Variants in RUNX2 observed in about 807,000 individuals in gnomAD.
RUNX2 encodes the protein RUNX family transcription factor 2, also known as runt-related transcription factor 2.
RUNX2 carries 10 observed loss-of-function variants against 51.7 expected under a neutral mutation model. The observed-to-expected ratio is 0.19, with a 90% confidence interval of 0.12 to 0.33. The LOEUF (loss-of-function observed/expected upper bound fraction) is 0.33, where lower values mean the gene tolerates loss of function less well. Ranked by LOEUF, RUNX2 falls within the 10% of genes least tolerant of loss-of-function variation. The pLI is 1.00. For synonymous variants in RUNX2, 276 were observed against 273.6 expected, an observed-to-expected ratio of 1.01 and a Z score of -0.09; for missense variants, 562 against 691.3, an observed-to-expected ratio of 0.81 and a Z score of 2.10.
rs199652341 is a variant in RUNX2 at position 45,332,975 on chromosome 6, A to AC, written c.58+4197dup. ...GATAGATAAAATTCTGCCTCTCCTC[A>AC]CCCCCCAAAAAATCATAAAACTCCC... On this transcript the variant is annotated intron_variant, in intron 2 of 8. Coordinates refer to ENST00000647337, the MANE Select transcript of RUNX2 (RefSeq NM_001024630.4). Among the ~76,000 whole-genome samples the AC allele has an allele frequency of 2.2e-3, 334 of 151,392 alleles. 1 individual carries two copies. In the East Asian group the frequency reaches 0.028, roughly 13 times the overall value.
chr6:45,401,656 T>G (rs903824682), intron 2 of RUNX2, among the ~76,000 whole-genome samples: 3 of 152,270 alleles, frequency 2.0e-5, no homozygotes, highest in African/African-American at 7.2e-5. Context: ...AATTGGATAA[T>G]GAACAGAAGG....
intron 8 of RUNX2, among the ~76,000 whole-genome samples, 159 bp downstream of exon 8, chr6:45,545,441 T>C (rs1802369490): frequency 6.6e-6 from 1 of 152,352 alleles, no homozygotes; most frequent in African/African-American, 2.4e-5. Flanking sequence ...TTGCATTTTG[T>C]GAAGATTATA....
intron 2 of RUNX2, among the ~76,000 whole-genome samples, chr6:45,391,104 T>C (rs1797459512): frequency 1.3e-5 from 2 of 152,214 alleles, no homozygotes; most frequent in Admixed American, 6.5e-5. Flanking sequence ...AATCATTGCA[T>C]GTCTTGTATA....
At chr6:45,357,093 G>A (rs939858781) in intron 2 of RUNX2, among the ~76,000 whole-genome samples, 109 of 151,764 alleles carry the variant, frequency 7.2e-4, no homozygotes, top group Non-Finnish European at 1.9e-4. Flanking sequence ...TGCAAGCTCC[G>A]CCTCCTGGGT....
At chr6:45,341,884 C>T (rs560290692) in intron 2 of RUNX2, among the ~76,000 whole-genome samples, 1 of 152,182 alleles carries the variant, frequency 6.6e-6, no homozygotes, top group African/African-American at 2.4e-5. Context: ...TCAGAAGCCA[C>T]TAAAAAGATG....
intron 7 of RUNX2, among the ~76,000 whole-genome samples, chr6:45,527,109 G>C (rs1801694162): frequency 6.6e-6 from 1 of 152,176 alleles, no homozygotes; most frequent in Admixed American, 6.5e-5. Context: ...TCAAGATCAG[G>C]AGGAAGGGAG....
chr6:45,400,306 C>A (rs889576975), intron 2 of RUNX2, among the ~76,000 whole-genome samples: 7 of 152,082 alleles, frequency 4.6e-5, no homozygotes, highest in African/African-American at 1.7e-4. Flanking sequence ...GAGAGGAGAA[C>A]CATTGGCAGT....
At chr6:45,499,988 A>G (rs1266227375) in intron 6 of RUNX2, among the ~76,000 whole-genome samples, 1 of 152,196 alleles carries the variant, frequency 6.6e-6, no homozygotes. Flanking sequence ...TTAGTTGCTT[A>G]GGGTCCTTTT....
At chr6:45,491,813 T>A in intron 5 of RUNX2, 128 bp from the exon 6 acceptor site, 1 of 971,332 alleles carries the variant, frequency 1.0e-6, no homozygotes. Context: ...TGTAGACAAG[T>A]CATTATAAAT....
In RUNX2 at chr6:45,475,298, G is replaced by A. The variant is rs145135579; in HGVS notation, c.686-16643G>A. ...TACTTCTATTTGAGGGTGGAGGGGA[G>A]GTTTTATTGAAGTCAAGGCGTTTGA... On this transcript the variant is annotated intron_variant, in intron 5 of 8. Coordinates refer to ENST00000647337, the MANE Select transcript of RUNX2 (RefSeq NM_001024630.4). Among the ~76,000 whole-genome samples, 690 of 152,112 alleles carry A rather than the reference G, an allele frequency of 4.5e-3. 2 individuals are homozygous for A. The highest frequency in any genetic ancestry group is 0.015 in the African/African-American group (636 of 41,484).
chr6:45,481,430 T>G (rs1021868937), intron 5 of RUNX2, among the ~76,000 whole-genome samples: 15 of 152,220 alleles, frequency 9.9e-5, no homozygotes, highest in African/African-American at 3.6e-4. Context: ...GTGGTATGTG[T>G]GAACATGTTA....
At chr6:45,513,294 C>G (rs1801217356) in intron 7 of RUNX2, among the ~76,000 whole-genome samples, 1 of 152,188 alleles carries the variant, frequency 6.6e-6, no homozygotes, top group Non-Finnish European at 1.5e-5. Context: ...CGTACGTCCA[C>G]AGAGGCACAC....
At chr6:45,492,980 G>T (rs1800529114) in intron 6 of RUNX2, among the ~76,000 whole-genome samples, 1 of 152,170 alleles carries the variant, frequency 6.6e-6, no homozygotes, top group Admixed American at 6.5e-5. Flanking sequence ...AAAACAAAAT[G>T]TGTAATAAGC....
chr6:45,417,999 C>G (rs1199119316), intron 2 of RUNX2, among the ~76,000 whole-genome samples: 1 of 152,124 alleles, frequency 6.6e-6, no homozygotes, highest in Non-Finnish European at 1.5e-5. Flanking sequence ...CAATCAGAGT[C>G]CAAACGAAAA....
At chr6:45,424,123 A>G (rs1321076) in intron 3 of RUNX2, among the ~76,000 whole-genome samples, 127,759 of 152,306 alleles carry the variant, frequency 0.84, 53,741 homozygotes, top group South Asian at 0.93. Context: ...CGCGCCCCGC[A>G]GACTCTTGTG....
intron 3 of RUNX2, among the ~76,000 whole-genome samples, chr6:45,429,862 G>A (rs866944416): frequency 6.6e-6 from 1 of 152,172 alleles, no homozygotes; most frequent in Non-Finnish European, 1.5e-5. Flanking sequence ...GGGAGGCTGA[G>A]GCGGGCGGAT....
chr6:45,539,303 T>G (rs1372701959), intron 7 of RUNX2, among the ~76,000 whole-genome samples: 1 of 152,168 alleles, frequency 6.6e-6, no homozygotes. Context: ...TTTGTGAGCA[T>G]GCAGTGGAAA....
chr6:45,335,262 T>G (rs184158137), intron 2 of RUNX2, among the ~76,000 whole-genome samples: 2 of 151,428 alleles, frequency 1.3e-5, no homozygotes, highest in East Asian at 3.9e-4. Context: ...AGATATAATT[T>G]TACTAAATGA....
intron 6 of RUNX2, among the ~76,000 whole-genome samples, chr6:45,496,216 C>A (rs767343219): frequency 6.6e-6 from 1 of 152,084 alleles, no homozygotes; most frequent in Non-Finnish European, 1.5e-5. Flanking sequence ...TCCGCTACAC[C>A]TAAAAAATAA....
Sources: gnomAD v4.1 joint callset for allele counts (sites outside exome capture counted in the v4.1 genomes callset) on GRCh38, gnomAD v4.1.1 for gene constraint, MANE v1.5 for transcripts, NCBI Gene and HGNC (gene_info 2026-07-23, HGNC 2026-07-21) for gene names.